Variants in LHFPL3 observed in about 807,000 individuals in gnomAD.
The protein encoded by LHFPL3 is LHFPL tetraspan subfamily member 3 protein.
Under a neutral mutation model 19.3 loss-of-function variants are expected in LHFPL3, and 5 were observed. The ratio of observed to expected loss-of-function variants is 0.26; its 90% CI spans 0.14 to 0.54. The LOEUF (loss-of-function observed/expected upper bound fraction) is 0.54, where lower values mean the gene tolerates loss of function less well. Ranked by LOEUF, LHFPL3 falls within the 20% of genes least tolerant of loss-of-function variation. The pLI is 0.94. For missense variants in LHFPL3, 249 were observed against 307.4 expected, an observed-to-expected ratio of 0.81 and a Z score of 1.42; for synonymous variants, 133 against 126.2, an observed-to-expected ratio of 1.05 and a Z score of -0.36.
At chr7:104,755,566 C>T (rs1204214752) in intron 2 of LHFPL3, among the ~76,000 whole-genome samples, 1 of 145,520 alleles carries the variant, frequency 6.9e-6, no homozygotes, top group African/African-American at 2.5e-5. Flanking sequence ...TTTCTCTCCC[C>T]CAACCCCCAA....
intron 2 of LHFPL3, among the ~76,000 whole-genome samples, chr7:104,819,461 T>C (rs1282192534): frequency 1.3e-5 from 2 of 151,942 alleles, no homozygotes; most frequent in Non-Finnish European, 2.9e-5. Context: ...CACACAAAAA[T>C]TCTGACCCTT....
At chr7:104,708,571 A>G (rs1046010397) in intron 1 of LHFPL3, among the ~76,000 whole-genome samples, 9 of 152,108 alleles carry the variant, frequency 5.9e-5, no homozygotes. Context: ...GGTACTGGTT[A>G]CCTTCCTATT....
In LHFPL3 at chr7:104,893,703, G is replaced by C. The variant is rs182179727; in HGVS notation, c.683-12484G>C. 2.9e-4 allele frequency among the ~76,000 whole-genome samples: 44 copies of C among 152,166 alleles called. 1 individual carries two copies. In the East Asian group the frequency reaches 6.6e-3, roughly 23 times the overall value. ...GCAGTGGCTCACGCCTGTAATCCCA[G>C]CTCTTTGGGAGACCAAGGCAGGTGG... is the stretch of plus-strand genomic sequence containing the variant. On this transcript the variant is annotated intron_variant, in intron 2 of 2. Coordinates refer to ENST00000424859, the MANE Select transcript of LHFPL3 (RefSeq NM_199000.3).
intron 1 of LHFPL3, among the ~76,000 whole-genome samples, chr7:104,733,760 C>T (rs1793748184): frequency 6.6e-6 from 1 of 152,170 alleles, no homozygotes; most frequent in Admixed American, 6.5e-5. Flanking sequence ...TTGATCCTGT[C>T]ATTATGATGT....
chr7:104,586,978 A>G (rs1790591481), intron 1 of LHFPL3, among the ~76,000 whole-genome samples: 1 of 152,184 alleles, frequency 6.6e-6, no homozygotes, highest in South Asian at 2.1e-4. Context: ...CATAAGACAG[A>G]AACTTACTGT....
At chr7:104,864,401 T>TTTTC (rs1791679379) in intron 2 of LHFPL3, among the ~76,000 whole-genome samples, 1 of 151,874 alleles carries the variant, frequency 6.6e-6, no homozygotes, top group African/African-American at 2.4e-5. Context: ...ACCTGGAAAA[T>TTTTC]CAGGTCACTC....
rs962240183 is a variant in LHFPL3 at position 104,733,946 on chromosome 7, G to A, written c.446-2729G>A. Among the ~76,000 whole-genome samples, 13 of 152,228 alleles carry A rather than the reference G, an allele frequency of 8.5e-5. No individual in the cohort carries two copies. The South Asian group carries it at 2.3e-3, about 27-fold the overall frequency. On this transcript the variant is annotated intron_variant, in intron 1 of 2. Transcript: ENST00000424859. The stretch of plus-strand genomic sequence containing the variant: ...TGACAAAATCTCTCAGCATTTGCTC[G>A]TCTGTAAAGGATTTTATTTCTCCTT...
chr7:104,578,649 A>G (rs1011217453), intron 1 of LHFPL3, among the ~76,000 whole-genome samples: 11 of 152,154 alleles, frequency 7.2e-5, no homozygotes, highest in African/African-American at 2.7e-4. Flanking sequence ...GCACTGATGG[A>G]GCCTGCCCAC....
At chr7:104,454,760 C>T (rs1391970343) in intron 1 of LHFPL3, among the ~76,000 whole-genome samples, 1 of 152,146 alleles carries the variant, frequency 6.6e-6, no homozygotes, top group Admixed American at 6.5e-5. Flanking sequence ...TCTTTCCTCC[C>T]CAACCCATAA....
chr7:104,553,055 T>G (rs1397021657), intron 1 of LHFPL3, among the ~76,000 whole-genome samples: 1 of 152,200 alleles, frequency 6.6e-6, no homozygotes, highest in Non-Finnish European at 1.5e-5. Context: ...ATTGATAACA[T>G]GTATTATGAT....
chr7:104,844,532 GT>G (rs1791276255), intron 2 of LHFPL3, among the ~76,000 whole-genome samples: 1 of 152,116 alleles, frequency 6.6e-6, no homozygotes, highest in Non-Finnish European at 1.5e-5. Flanking sequence ...TTTAACTTTT[GT>G]CTTTTTCCCT....
intron 2 of LHFPL3, among the ~76,000 whole-genome samples, chr7:104,873,948 C>T (rs939564607): frequency 1.3e-5 from 2 of 152,208 alleles, no homozygotes; most frequent in Non-Finnish European, 2.9e-5. Context: ...GGCAGGGGCC[C>T]ACACTGGAGG....
chr7:104,668,022 A>C, intron 1 of LHFPL3: 8 of 1,613,806 alleles, frequency 5.0e-6, no homozygotes, highest in Non-Finnish European at 6.8e-6. Flanking sequence ...CCGTCTTCCC[A>C]AATCGCCACC....
chr7:104,616,365 C>A (rs949296223), intron 1 of LHFPL3, among the ~76,000 whole-genome samples: 1 of 152,064 alleles, frequency 6.6e-6, no homozygotes, highest in Non-Finnish European at 1.5e-5. Context: ...TTTGACAAAC[C>A]TGACAAAAAC....
intron 1 of LHFPL3, among the ~76,000 whole-genome samples, chr7:104,364,378 A>G (rs1244618164): frequency 6.6e-6 from 1 of 152,232 alleles, no homozygotes; most frequent in East Asian, 1.9e-4. Context: ...TAAATGTAAA[A>G]GAAACATTAA....
At chr7:104,849,029 C>A (rs1337642235) in intron 2 of LHFPL3, among the ~76,000 whole-genome samples, 1 of 151,964 alleles carries the variant, frequency 6.6e-6, no homozygotes, top group Non-Finnish European at 1.5e-5. Context: ...TGGAGTCAAG[C>A]AATCCTCCCA....
intron 1 of LHFPL3, among the ~76,000 whole-genome samples, chr7:104,464,114 G>A (rs1175002596): frequency 1.3e-5 from 2 of 152,186 alleles, no homozygotes; most frequent in African/African-American, 4.8e-5. Context: ...CAGAATGAAG[G>A]GGCTACATGC....
At chr7:104,672,849 T>G (rs1041648852) in intron 1 of LHFPL3, among the ~76,000 whole-genome samples, 1 of 152,152 alleles carries the variant, frequency 6.6e-6, no homozygotes, top group African/African-American at 2.4e-5. Context: ...AATGGCTTCA[T>G]GTTGCTGCCA....
At chr7:104,382,839 T>TG (rs1415113773) in intron 1 of LHFPL3, among the ~76,000 whole-genome samples, 2 of 152,264 alleles carry the variant, frequency 1.3e-5, no homozygotes. Context: ...GGCACTCACC[T>TG]GCTGTATGAT....
Sources: gnomAD v4.1 joint callset for allele counts (sites outside exome capture counted in the v4.1 genomes callset) on GRCh38, gnomAD v4.1.1 for gene constraint, MANE v1.5 for transcripts, NCBI Gene and HGNC (gene_info 2026-07-23, HGNC 2026-07-21) for gene names.